The following NCEH1 variants were observed in gnomAD, a reference collection of about 807,000 sequenced individuals.
NCEH1 encodes the protein 2-acetyl MAGE hydrolase.
Under a neutral mutation model 25.4 loss-of-function variants are expected in NCEH1, and 9 were observed. The observed-to-expected ratio is 0.35, with a 90% CI of 0.21 to 0.62. NCEH1 has a LOEUF of 0.62. Among genes scored for constraint, NCEH1 ranks in the 20% least tolerant of loss-of-function variants. The pLI is 0.72. For synonymous variants in NCEH1, 200 were observed against 199.8 expected (o/e 1.00, Z -0.01); for missense variants, 412 against 501.1 (o/e 0.82, Z 1.70).
intron 1 of NCEH1, among the ~76,000 whole-genome samples, chr3:172,671,528 C>CACACACACACACACACAT (rs145129202): frequency 5.1e-5 from 7 of 137,134 alleles, no homozygotes; most frequent in South Asian, 4.7e-4. Context: ...CACACACACA[C>CACACACACACACACACAT]ATATATAGAT....
intron 1 of NCEH1, among the ~76,000 whole-genome samples, chr3:172,683,846 C>T (rs1303564255): frequency 6.6e-6 from 1 of 152,160 alleles, no homozygotes; most frequent in African/African-American, 2.4e-5. Context: ...TTTTGAACTG[C>T]CTGTGACCCA....
intron 1 of NCEH1, among the ~76,000 whole-genome samples, chr3:172,695,770 G>A (rs1285198365): frequency 6.6e-6 from 1 of 151,762 alleles, no homozygotes; most frequent in Non-Finnish European, 1.5e-5. Context: ...ATGGTGAAAT[G>A]CTGTCTCTAC....
intron 1 of NCEH1, among the ~76,000 whole-genome samples, chr3:172,674,570 T>C (rs1434786830): frequency 6.2e-5 from 7 of 113,600 alleles, no homozygotes; most frequent in African/African-American, 1.2e-4. Context: ...GTAGAACTTC[T>C]TTTTAACGCA....
intron 4 of NCEH1, among the ~76,000 whole-genome samples, chr3:172,634,777 G>A (rs982941902): frequency 6.6e-5 from 10 of 151,968 alleles, no homozygotes; most frequent in African/African-American, 9.7e-5. Flanking sequence ...TATATTTGTC[G>A]TGTAACATCT....
intron 1 of NCEH1, among the ~76,000 whole-genome samples, chr3:172,648,980 A>G (rs186989931): frequency 6.6e-6 from 1 of 152,328 alleles, no homozygotes; most frequent in Admixed American, 6.5e-5. Context: ...GCTCTTTTGT[A>G]GATGATGAAA....
chr3:172,704,415 G>A (rs1156940585), intron 1 of NCEH1, among the ~76,000 whole-genome samples: 1 of 152,192 alleles, frequency 6.6e-6, no homozygotes, highest in African/African-American at 2.4e-5. Context: ...CATGCTCCGA[G>A]CTCTCTTGGG....
At position 172,710,864 on chromosome 3, in the gene NCEH1, G is replaced by C; in HGVS notation, c.121C>G (p.Arg41Gly). The C allele has an allele frequency of 6.2e-7, 1 of 1,614,068 alleles. No homozygotes were observed. The highest frequency in any genetic ancestry group is 8.5e-7 in the Non-Finnish European group (1 of 1,180,014). The change falls in exon 1 of 5, where the codon CGG (arginine) becomes GGG (glycine). Residue 41 changes from arginine (R) to glycine (G), a missense_variant. Physicochemically the swap from Arg to Gly is moderately radical, Grantham distance 125. This residue lies in a region of NCEH1 where 178 missense variants were observed against 189.2 expected (regional missense o/e 0.94). Coordinates refer to ENST00000475381, the MANE Select transcript of NCEH1 (RefSeq NM_020792.6). ...WKLMLLDATF[R>G]GAQQVSNLIH... The stretch of plus-strand genomic sequence containing the variant: ...CACCTCACCACTTGCTGTGCACCCC[G>C]GAAAGTGGCGTCCAGCAGCATCAGC...
At chr3:172,678,150 A>G (rs1410799333) in intron 1 of NCEH1, among the ~76,000 whole-genome samples, 1 of 152,084 alleles carries the variant, frequency 6.6e-6, no homozygotes, top group Non-Finnish European at 1.5e-5. Context: ...CCCAAACTCT[A>G]CCCCACTGGC....
chr3:172,679,534 A>G (rs1712223252), intron 1 of NCEH1, among the ~76,000 whole-genome samples: 1 of 151,980 alleles, frequency 6.6e-6, no homozygotes, highest in South Asian at 2.1e-4. Flanking sequence ...TAATTCATTC[A>G]GCAAACATTT....
chr3:172,684,458 G>A (rs59204104), intron 1 of NCEH1, among the ~76,000 whole-genome samples: 7,271 of 151,154 alleles, frequency 0.048, 565 homozygotes, highest in African/African-American at 0.17. Context: ...TCACTAAAGT[G>A]CAATTATCCA....
chr3:172,640,133 A>G, intron 3 of NCEH1, among the ~76,000 whole-genome samples: 1 of 152,242 alleles, frequency 6.6e-6, no homozygotes, highest in East Asian at 1.9e-4. Flanking sequence ...TTCTCTTCAT[A>G]TAGTACTACT....
chr3:172,710,838 G>A lies in NCEH1; in HGVS notation c.138+9C>T, dbSNP rs758831606. ...AGGAAGAGAGAAGCAGCGCTGGGCT[G>A]CACCTCACCACTTGCTGTGCACCCC... On this transcript the variant is annotated intron_variant, in intron 1 of 4. Coordinates refer to ENST00000475381, the MANE Select transcript of NCEH1 (RefSeq NM_020792.6). 1 of 1,613,784 alleles carries A rather than the reference G, an allele frequency of 6.2e-7. No homozygotes were observed. The highest frequency in any genetic ancestry group is 2.2e-5 in the East Asian group (1 of 44,882).
In NCEH1 at chr3:172,659,047, C is replaced by T. The variant is rs1252851200; in HGVS notation, c.139-10933G>A. ...CTCAGACCACGGGGGGTCAGTGAAT[C>T]ACCCAAGGTCACTCAGGCAGTAAAT... On this transcript the variant is annotated intron_variant, in intron 1 of 4. Coordinates refer to ENST00000475381, the MANE Select transcript of NCEH1 (RefSeq NM_020792.6). Among the ~76,000 whole-genome samples the T allele has an allele frequency of 2.6e-5, 4 of 152,020 alleles. No homozygotes were observed. In the South Asian group the frequency reaches 8.3e-4, roughly 31 times the overall value.
Position 172,698,326 on chromosome 3 carries a change from A to T in NCEH1, c.138+12521T>A, listed in dbSNP as rs534108581. 3.9e-5 allele frequency among the ~76,000 whole-genome samples: 6 copies of T among 152,284 alleles called. No individual in the cohort carries two copies. In the South Asian group the frequency reaches 1.2e-3, roughly 32 times the overall value. Reference sequence around the variant, plus strand: ...TGCTAAGAAAGTTCAGGAAGCCCGGATAATTGCTGTCTGGCCCTGCCTCTC... The same window carrying T: ...TGCTAAGAAAGTTCAGGAAGCCCGGTTAATTGCTGTCTGGCCCTGCCTCTC... On this transcript the variant is annotated intron_variant, in intron 1 of 4. Transcript: ENST00000475381.
At chr3:172,674,277 T>G (rs1393278006) in intron 1 of NCEH1, among the ~76,000 whole-genome samples, 1 of 151,988 alleles carries the variant, frequency 6.6e-6, no homozygotes, top group African/African-American at 2.4e-5. Context: ...CTGTCTCTAC[T>G]AAAGATACCA....
Position 172,669,725 on chromosome 3 carries a change from T to C in NCEH1, c.139-21611A>G, listed in dbSNP as rs1459490216. Among the ~76,000 whole-genome samples the C allele has an allele frequency of 3.9e-5, 6 of 152,148 alleles. No homozygotes were observed. In the East Asian group the frequency reaches 1.2e-3, roughly 29 times the overall value. On this transcript the variant is annotated intron_variant, in intron 1 of 4. Transcript: ENST00000475381. ...CTAATTTTTGTATTTTTAGTAGAGA[T>C]GGGGTTTCGCCATCTTGGCCAGGCT...
At position 172,663,384 on chromosome 3, in the gene NCEH1, T is replaced by C. The variant is rs564345606; in HGVS notation, c.139-15270A>G. On this transcript the variant is annotated intron_variant, in intron 1 of 4. Coordinates refer to ENST00000475381, the MANE Select transcript of NCEH1 (RefSeq NM_020792.6). ...CTGAGGAGAGCTTTACTTCCAACCA[T>C]GTGGTCAATTTTGGAATGAGTGCAA... Among the ~76,000 whole-genome samples the C allele has an allele frequency of 1.9e-3, 285 of 152,350 alleles. 1 individual carries two copies. Among genetic ancestry groups the C allele is most frequent in the African/African-American group, 6.6e-3 (276 of 41,592 alleles).
chr3:172,654,686 T>C (rs1717608825), intron 1 of NCEH1, among the ~76,000 whole-genome samples: 1 of 152,244 alleles, frequency 6.6e-6, no homozygotes, highest in Non-Finnish European at 1.5e-5. Context: ...ACTTCGCATC[T>C]GGTCAAGTTT....
intron 2 of NCEH1, 111 bp downstream of exon 2, chr3:172,647,775 G>T (rs144810232): frequency 3.5e-6 from 5 of 1,431,344 alleles, no homozygotes; most frequent in East Asian, 2.5e-5. Flanking sequence ...CCATCCAGGG[G>T]AACCTAGATA....
Sources: gnomAD v4.1 joint callset for allele counts (sites outside exome capture counted in the v4.1 genomes callset) on GRCh38, gnomAD v4.1.1 for gene constraint, gnomAD v4.1.1 regional missense constraint, MANE v1.5 for transcripts, NCBI Gene and HGNC (gene_info 2026-07-23, HGNC 2026-07-21) for gene names.